WNT3A: variants seen among roughly 807,000 people sequenced by gnomAD.
WNT3A encodes protein Wnt-3a.
Under a neutral mutation model 37.0 loss-of-function variants are expected in WNT3A, and 17 were observed. The observed-to-expected ratio is 0.46, with a 90% CI of 0.31 to 0.69. The LOEUF (loss-of-function observed/expected upper bound fraction) is 0.69. Ranked by LOEUF, WNT3A falls within the 30% of genes least tolerant of loss-of-function variation. WNT3A has a pLI of 0.05. For synonymous variants in WNT3A, 187 were observed against 211.0 expected, an observed-to-expected ratio of 0.89 and a Z score of 0.99; for missense variants, 411 against 510.2, an observed-to-expected ratio of 0.81 and a Z score of 1.87.
At chr1:228,018,852 T>C (rs1399683686) in intron 1 of WNT3A, among the ~76,000 whole-genome samples, 3 of 152,180 alleles carry the variant, frequency 2.0e-5, no homozygotes, top group Non-Finnish European at 4.4e-5. Context: ...GCAGGGTCTG[T>C]GTGGCCCAGG....
At chr1:228,051,027 A>G (rs1571814071) in intron 3 of WNT3A, 106 bp downstream of exon 3, 7 of 1,368,358 alleles carry the variant, frequency 5.1e-6, no homozygotes, top group Non-Finnish European at 6.7e-6. Flanking sequence ...GATGGTGGCC[A>G]GGCTGAGGGT....
intron 1 of WNT3A, among the ~76,000 whole-genome samples, chr1:228,016,976 G>A (rs2102762601): frequency 6.6e-6 from 1 of 152,332 alleles, no homozygotes; most frequent in South Asian, 2.1e-4. Context: ...CTCCAACACT[G>A]GGGGTCGCAT....
chr1:228,035,566 G>A (rs1188199776), intron 2 of WNT3A, among the ~76,000 whole-genome samples: 1 of 152,236 alleles, frequency 6.6e-6, no homozygotes, highest in African/African-American at 2.4e-5. Context: ...CGGTCCCCAT[G>A]TGTGCATCCC....
intron 2 of WNT3A, among the ~76,000 whole-genome samples, chr1:228,028,995 A>G (rs970722651): frequency 1.3e-5 from 2 of 152,136 alleles, no homozygotes; most frequent in African/African-American, 4.8e-5. Context: ...CAGACAAACA[A>G]TTCCTTGGGG....
intron 1 of WNT3A, among the ~76,000 whole-genome samples, chr1:228,009,897 C>T (rs1054384310): frequency 1.3e-5 from 2 of 152,130 alleles, no homozygotes; most frequent in African/African-American, 4.8e-5. Flanking sequence ...CAAGGCTGAG[C>T]GGGTCTGAAA....
chr1:228,056,936 T>C (rs565320703), intron 3 of WNT3A, among the ~76,000 whole-genome samples: 26 of 152,274 alleles, frequency 1.7e-4, no homozygotes, highest in African/African-American at 5.1e-4. Flanking sequence ...AAACTATCAA[T>C]TAAATGAGAT....
chr1:228,029,701 C>A (rs1297738473), intron 2 of WNT3A, among the ~76,000 whole-genome samples: 1 of 152,118 alleles, frequency 6.6e-6, no homozygotes, highest in Non-Finnish European at 1.5e-5. Flanking sequence ...CCTTACCCTC[C>A]TCCCTGTCCT....
At chr1:228,023,024 G>T (rs1397240416) in intron 2 of WNT3A, 116 bp downstream of exon 2, 22 of 1,456,024 alleles carry the variant, frequency 1.5e-5, no homozygotes, top group Non-Finnish European at 1.8e-5. Context: ...TCACGCGGAC[G>T]CTGGGGTCCT....
At position 228,031,924 on chromosome 1, in the gene WNT3A, G is replaced by A. The variant is rs1219173575; in HGVS notation, c.313+9016G>A. 6.6e-6 allele frequency among the ~76,000 whole-genome samples: 1 copy of A among 152,174 alleles called. No individual in the cohort carries two copies. Among genetic ancestry groups the A allele is most frequent in the East Asian group, 1.9e-4 (1 of 5,190 alleles). Reference sequence around the variant, plus strand: ...GGGCTGCCACTCCCCCTCTGAGAAGGAAGCAGCGATTTTAGGAAGAAAGCA... The same window carrying A: ...GGGCTGCCACTCCCCCTCTGAGAAGAAAGCAGCGATTTTAGGAAGAAAGCA... On this transcript the variant is annotated intron_variant, in intron 2 of 3. Coordinates refer to ENST00000284523, the MANE Select transcript of WNT3A (RefSeq NM_033131.4). The surrounding 1 kb of genome is among the most constrained non-coding windows in gnomAD (Gnocchi z 4.8).
At chr1:228,040,637 AG>A (rs2031255821) in intron 2 of WNT3A, among the ~76,000 whole-genome samples, 1 of 152,120 alleles carries the variant, frequency 6.6e-6, no homozygotes, top group Non-Finnish European at 1.5e-5. Context: ...TAATCTCAGC[AG>A]TTTGGGAGGC....
intron 3 of WNT3A, among the ~76,000 whole-genome samples, chr1:228,053,522 T>C (rs1339278576): frequency 6.6e-6 from 1 of 152,134 alleles, no homozygotes; most frequent in East Asian, 1.9e-4. Flanking sequence ...GACACCACTA[T>C]GGGACTGAAA....
At chr1:228,055,169 AAAAAAAAAAAATATATATAT>A (rs1200357848) in intron 3 of WNT3A, among the ~76,000 whole-genome samples, 1 of 70,522 alleles carries the variant, frequency 1.4e-5, no homozygotes, top group East Asian at 4.9e-4. Flanking sequence ...AAAAAAAAAA[AAAAAAAAAAAATATATATAT>A]ATATATATAT....
intron 3 of WNT3A, among the ~76,000 whole-genome samples, chr1:228,054,339 T>A (rs1051279558): frequency 6.6e-6 from 1 of 152,140 alleles, no homozygotes; most frequent in African/African-American, 2.4e-5. Flanking sequence ...GAAAACACAA[T>A]GTTGGCTGGG....
chr1:228,033,245 T>C (rs1358102962), intron 2 of WNT3A, among the ~76,000 whole-genome samples: 1 of 152,206 alleles, frequency 6.6e-6, no homozygotes, highest in African/African-American at 2.4e-5. Context: ...TAAGAGACAA[T>C]TGCCTAACCC....
intron 1 of WNT3A, among the ~76,000 whole-genome samples, chr1:228,020,531 G>A (rs555488767): frequency 1.1e-4 from 16 of 152,298 alleles, no homozygotes; most frequent in East Asian, 1.9e-4. Context: ...TCCAGTTGCC[G>A]GGACTCAAAG....
chr1:228,055,172 AAAAAAAAATATATATATATATATATAT>A (rs1249571515), intron 3 of WNT3A, among the ~76,000 whole-genome samples: 12 of 71,444 alleles, frequency 1.7e-4, no homozygotes, highest in African/African-American at 5.0e-4. Flanking sequence ...AAAAAAAAAA[AAAAAAAAATATATATATATATATATAT>A]ATATATATAT....
At chr1:228,053,438 A>T (rs1026986080) in intron 3 of WNT3A, among the ~76,000 whole-genome samples, 20 of 152,358 alleles carry the variant, frequency 1.3e-4, no homozygotes, top group Non-Finnish European at 2.2e-4. Context: ...AAACAGTCCA[A>T]AAAAGCACTC....
intron 3 of WNT3A, among the ~76,000 whole-genome samples, chr1:228,056,553 G>C (rs749258167): frequency 6.6e-6 from 1 of 152,166 alleles, no homozygotes; most frequent in Non-Finnish European, 1.5e-5. Context: ...AAAAATAAGA[G>C]CAAGGAGAAG....
At chr1:228,025,825 C>T (rs1245319895) in intron 2 of WNT3A, among the ~76,000 whole-genome samples, 3 of 152,138 alleles carry the variant, frequency 2.0e-5, no homozygotes, top group Non-Finnish European at 4.4e-5. Flanking sequence ...GGCTGGAGTG[C>T]AGTGGCACCA....
Sources: gnomAD v4.1 joint callset for allele counts (sites outside exome capture counted in the v4.1 genomes callset) on GRCh38, gnomAD v4.1.1 for gene constraint, Gnocchi (gnomAD v3.1) non-coding constraint, MANE v1.5 for transcripts, NCBI Gene and HGNC (gene_info 2026-07-23, HGNC 2026-07-21) for gene names.